The following RABGAP1L variants were observed in gnomAD, a reference collection of about 807,000 sequenced individuals.
RABGAP1L encodes the protein rab GTPase-activating protein 1-like.
In RABGAP1L, 63 loss-of-function variants were observed where a neutral mutation model predicts 137.7. The observed-to-expected ratio is 0.46, with a 90% CI of 0.37 to 0.56. The LOEUF is 0.56. RABGAP1L is among the 20% of genes least tolerant of loss of function. The probability of loss-of-function intolerance (pLI) is 0.00; values close to 1 mark genes in which losing one functional copy is unlikely to be tolerated. For missense variants in RABGAP1L, 1,095 were observed against 1,244.0 expected (o/e 0.88, Z 1.80); for synonymous variants, 431 against 433.7 (o/e 0.99, Z 0.08).
chr1:174,457,663 T>C (rs1205723079), intron 13 of RABGAP1L, among the ~76,000 whole-genome samples: 1 of 151,726 alleles, frequency 6.6e-6, no homozygotes, highest in Non-Finnish European at 1.5e-5. Context: ...CCACCACGCC[T>C]AGCTAATTTT....
chr1:174,662,373 G>A (rs777884886), intron 14 of RABGAP1L, among the ~76,000 whole-genome samples: 7 of 151,618 alleles, frequency 4.6e-5, no homozygotes, highest in Non-Finnish European at 8.8e-5. Flanking sequence ...CAAAATGCTG[G>A]GATTACAGGC....
chr1:174,634,854 A>C (rs1225480363), intron 13 of RABGAP1L, among the ~76,000 whole-genome samples: 1 of 133,666 alleles, frequency 7.5e-6, no homozygotes, highest in African/African-American at 2.8e-5. Context: ...GGACACAGGA[A>C]GGGGAATATC....
chr1:174,819,259 G>GAGTA (rs1335462372), intron 19 of RABGAP1L, among the ~76,000 whole-genome samples: 1 of 147,942 alleles, frequency 6.8e-6, no homozygotes, highest in Non-Finnish European at 1.5e-5. Flanking sequence ...AGAGAGAGAT[G>GAGTA]AGTAAGTACA....
intron 19 of RABGAP1L, among the ~76,000 whole-genome samples, chr1:174,908,510 TTAAA>T (rs1290741216): frequency 6.6e-6 from 1 of 151,352 alleles, no homozygotes; most frequent in Non-Finnish European, 1.5e-5. Context: ...CACAAACACA[TTAAA>T]TAAGTAAGTT....
At position 174,571,452 on chromosome 1, in the gene RABGAP1L, A is replaced by ATCCT. The variant is rs1667972366; in HGVS notation, c.1711-65922_1711-65921insCCTT. 5.9e-5 allele frequency among the ~76,000 whole-genome samples: 9 copies of ATCCT among 152,240 alleles called. No individual in the cohort carries two copies. The South Asian group carries it at 1.7e-3, about 28-fold the overall frequency. ...GGATTGTTTGTAACAGAAAGGATAA[A>ATCCT]TGCTTGAGGGGGATGGATACCCAGT... On this transcript the variant is annotated intron_variant, in intron 13 of 25. Transcript: ENST00000681986.
In RABGAP1L at chr1:174,448,031, C is replaced by G. The variant is rs1031403553; in HGVS notation, c.1710+53886C>G. 2 of 1,184,048 alleles carry G rather than the reference C, an allele frequency of 1.7e-6. No individual in the cohort carries two copies. The highest frequency in any genetic ancestry group is 3.0e-5 in the African/African-American group (2 of 65,594). 73.3% of individuals were successfully genotyped at this position (1,184,048 alleles called of 1,614,324 possible). ...CTACTGAAGCAGGTTCTGAAACACT[C>G]ATGTGCGGTGTTTAACAGATGCTGG... On this transcript the variant is annotated intron_variant, in intron 13 of 25. Coordinates refer to ENST00000681986, the MANE Select transcript of RABGAP1L (RefSeq NM_001366446.1). The surrounding 1 kb of genome is among the most constrained non-coding windows in gnomAD (Gnocchi z 4.2).
At chr1:174,920,079 A>T (rs1168629610) in intron 19 of RABGAP1L, among the ~76,000 whole-genome samples, 1 of 152,248 alleles carries the variant, frequency 6.6e-6, no homozygotes, top group Admixed American at 6.5e-5. Flanking sequence ...GAAGTTAAGC[A>T]TCTTGTCCAG....
At chr1:174,767,724 T>A (rs1161917891) in intron 18 of RABGAP1L, among the ~76,000 whole-genome samples, 2 of 152,142 alleles carry the variant, frequency 1.3e-5, no homozygotes, top group Non-Finnish European at 2.9e-5. Context: ...TTCCCAAGAT[T>A]TTTGAAATAC....
At chr1:174,442,536 C>T (rs1391101540) in intron 13 of RABGAP1L, among the ~76,000 whole-genome samples, 1 of 152,120 alleles carries the variant, frequency 6.6e-6, no homozygotes, top group Non-Finnish European at 1.5e-5. Context: ...ATAGGACCTT[C>T]TACTCTTTAG....
chr1:174,613,589 T>C (rs2148224472), intron 13 of RABGAP1L, among the ~76,000 whole-genome samples: 1 of 152,318 alleles, frequency 6.6e-6, no homozygotes, highest in South Asian at 2.1e-4. Context: ...GGTGCAGAGC[T>C]GAGTTCAATT....
chr1:174,765,684 C>T (rs1330229187), intron 18 of RABGAP1L, among the ~76,000 whole-genome samples: 2 of 151,998 alleles, frequency 1.3e-5, no homozygotes, highest in Non-Finnish European at 2.9e-5. Flanking sequence ...GGTATTGCCT[C>T]CCATTCTGTG....
chr1:174,221,383 C>A (rs1669745392), intron 3 of RABGAP1L, among the ~76,000 whole-genome samples: 1 of 152,156 alleles, frequency 6.6e-6, no homozygotes, highest in Admixed American at 6.5e-5. Flanking sequence ...CCTCATTTTA[C>A]CCCTAGTACT....
chr1:174,843,315 G>A (rs1693638285), intron 19 of RABGAP1L, among the ~76,000 whole-genome samples: 2 of 148,490 alleles, frequency 1.3e-5, no homozygotes, highest in African/African-American at 5.0e-5. Flanking sequence ...CCATGCTGGT[G>A]TGCTGCACCC....
At chr1:174,850,558 A>G (rs1648130573) in intron 19 of RABGAP1L, among the ~76,000 whole-genome samples, 1 of 152,236 alleles carries the variant, frequency 6.6e-6, no homozygotes, top group South Asian at 2.1e-4. Context: ...GAACAAGTTG[A>G]CAACACTGTT....
chr1:174,657,521 T>C (rs1676050531), intron 14 of RABGAP1L, among the ~76,000 whole-genome samples: 4 of 152,180 alleles, frequency 2.6e-5, no homozygotes, highest in Non-Finnish European at 5.9e-5. Flanking sequence ...TCCTGGCTTA[T>C]TTTATTTAAC....
rs116065881 is a variant in RABGAP1L at position 174,465,680 on chromosome 1, A to C, written c.1710+71535A>C. On this transcript the variant is annotated intron_variant, in intron 13 of 25. Transcript: ENST00000681986. ...AGATTATGATTAATGCCATGAAAAG[A>C]ATAGAACAGGACATCAGGATGGAGA... 3.9e-3 allele frequency among the ~76,000 whole-genome samples: 596 copies of C among 152,386 alleles called. 6 individuals are homozygous for C. Among genetic ancestry groups the C allele is most frequent in the African/African-American group, 0.014 (562 of 41,590 alleles).
Position 174,165,589 on chromosome 1 carries a change from C to T in RABGAP1L, c.-34+5932C>T, listed in dbSNP as rs535398795. On this transcript the variant is annotated intron_variant, in intron 1 of 25. Transcript: ENST00000681986. ...TCACAGCTCACTGCATCCTTGATTT[C>T]CTGGCCTCTAACAGTTCTTCTGCCT... Among the ~76,000 whole-genome samples, 286 of 151,946 alleles carry T rather than the reference C, an allele frequency of 1.9e-3. 1 individual carries two copies. Among genetic ancestry groups the T allele is most frequent in the Non-Finnish European group, 3.1e-3 (210 of 67,986 alleles).
At chr1:174,271,649 A>C (rs1674567408) in intron 7 of RABGAP1L, among the ~76,000 whole-genome samples, 1 of 152,000 alleles carries the variant, frequency 6.6e-6, no homozygotes, top group Non-Finnish European at 1.5e-5. Context: ...CTTTGCTTAC[A>C]TGTAAAGTGG....
chr1:174,568,152 C>T lies in RABGAP1L; in HGVS notation c.1711-69223C>T, dbSNP rs370055765. 2.3e-4 allele frequency among the ~76,000 whole-genome samples: 35 copies of T among 152,114 alleles called. 1 individual carries two copies. In the South Asian group the frequency reaches 7.1e-3, roughly 31 times the overall value. On this transcript the variant is annotated intron_variant, in intron 13 of 25. Coordinates refer to ENST00000681986, the MANE Select transcript of RABGAP1L (RefSeq NM_001366446.1). ...AAGGTGAAGGGGAGCCAGCGCATCA[C>T]ATGATGAAAGAGAGCAAGCAGGGTG...
Sources: allele counts gnomAD v4.1 joint callset (sites outside exome capture counted in the v4.1 genomes callset), GRCh38; gene constraint gnomAD v4.1.1; non-coding constraint Gnocchi (gnomAD v3.1); transcripts MANE v1.5; gene names NCBI Gene and HGNC (gene_info 2026-07-23, HGNC 2026-07-21).